Variants in GASK1B observed in about 807,000 individuals in gnomAD.
GASK1B encodes the protein Golgi-associated kinase 1B.
In GASK1B, 34 loss-of-function variants were observed where a neutral mutation model predicts 42.8. The observed-to-expected ratio is 0.79, with a 90% CI of 0.60 to 1.06. The LOEUF (loss-of-function observed/expected upper bound fraction) is 1.06. GASK1B is among the 50% of genes least tolerant of loss of function. The pLI, the probability that GASK1B is intolerant of heterozygous loss-of-function variation, is 0.00. For synonymous variants in GASK1B, 262 were observed against 259.1 expected (o/e 1.01, Z -0.11); for missense variants, 686 against 661.0 (o/e 1.04, Z -0.42).
At chr4:158,131,790 C>T (rs1037145685) in intron 3 of GASK1B, among the ~76,000 whole-genome samples, 7 of 152,160 alleles carry the variant, frequency 4.6e-5, no homozygotes, top group African/African-American at 1.7e-4. Context: ...TCTGCTTTCA[C>T]ACTTCTGAGC....
At chr4:158,140,926 A>C (rs1731090156) in intron 3 of GASK1B, among the ~76,000 whole-genome samples, 1 of 152,222 alleles carries the variant, frequency 6.6e-6, no homozygotes, top group African/African-American at 2.4e-5. Context: ...AAAAATATAT[A>C]CTGCAGTTTT....
chr4:158,160,365 G>A (rs1014433957), intron 2 of GASK1B, among the ~76,000 whole-genome samples: 13 of 152,048 alleles, frequency 8.5e-5, no homozygotes, highest in African/African-American at 3.1e-4. Flanking sequence ...CTGAATCTAG[G>A]GACTTGTCCT....
chr4:158,167,856 T>C (rs1732286933), intron 2 of GASK1B, among the ~76,000 whole-genome samples: 1 of 152,044 alleles, frequency 6.6e-6, no homozygotes, highest in Admixed American at 6.6e-5. Context: ...AGAATAGCAG[T>C]GCCCTAGAAG....
intron 2 of GASK1B, chr4:158,170,250 T>C (rs1331429104): frequency 1.2e-6 from 2 of 1,614,188 alleles, no homozygotes; most frequent in South Asian, 2.2e-5. Flanking sequence ...GGCTTACTCT[T>C]GCATGTCCAA....
intron 2 of GASK1B, 71 bp downstream of exon 2, chr4:158,170,395 G>A: frequency 1.2e-6 from 2 of 1,614,104 alleles, no homozygotes; most frequent in Non-Finnish European, 1.7e-6. Context: ...TAGAAAAAGA[G>A]AGTGAGGGAA....
At chr4:158,138,086 C>A (rs966304827) in intron 3 of GASK1B, among the ~76,000 whole-genome samples, 1 of 152,220 alleles carries the variant, frequency 6.6e-6, no homozygotes, top group South Asian at 2.1e-4. Flanking sequence ...TATTTCTTTA[C>A]GTATAAGTAA....
intron 3 of GASK1B, among the ~76,000 whole-genome samples, chr4:158,140,517 C>T (rs1731073316): frequency 6.6e-6 from 1 of 152,182 alleles, no homozygotes; most frequent in Admixed American, 6.5e-5. Flanking sequence ...TCTGCCTGCC[C>T]TCTCAGATGT....
At chr4:158,146,975 C>T (rs570843830) in intron 3 of GASK1B, among the ~76,000 whole-genome samples, 9 of 152,134 alleles carry the variant, frequency 5.9e-5, no homozygotes, top group African/African-American at 2.2e-4. Flanking sequence ...GATCTGTTAA[C>T]TGGGTGAAAC....
chr4:158,131,924 C>T (rs1432136758), intron 3 of GASK1B, among the ~76,000 whole-genome samples: 1 of 152,154 alleles, frequency 6.6e-6, no homozygotes, highest in Non-Finnish European at 1.5e-5. Context: ...TGTACACCCT[C>T]TGTCCCTGTC....
chr4:158,162,653 C>T lies in GASK1B; in HGVS notation c.911-6828G>A, dbSNP rs78973308. 4.2e-3 allele frequency among the ~76,000 whole-genome samples: 637 copies of T among 152,298 alleles called. 3 individuals carry two copies. Among genetic ancestry groups the T allele is most frequent in the African/African-American group, 0.015 (608 of 41,564 alleles). The stretch of plus-strand genomic sequence containing the variant: ...TGCTCAACTATCCACTCCCATGTAT[C>T]TCTTATATACTGGGACGATGAAAAT... On this transcript the variant is annotated intron_variant, in intron 2 of 4. Coordinates refer to ENST00000585682, the MANE Select transcript of GASK1B (RefSeq NM_001128424.2).
intron 2 of GASK1B, chr4:158,159,378 G>A: frequency 3.3e-6 from 1 of 300,456 alleles, no homozygotes; most frequent in South Asian, 2.7e-5. Context: ...AGATCTCAGA[G>A]CAATGAGTAC....
At position 158,171,253 on chromosome 4, in the gene GASK1B, GC is replaced by G; in HGVS notation, c.122del (p.Gly41AlafsTer12). 6.2e-7 allele frequency: 1 copy of G among 1,614,024 alleles called. No individual in the cohort carries two copies. The highest frequency in any genetic ancestry group is 1.7e-5 in the Admixed American group (1 of 60,026). The stretch of plus-strand genomic sequence containing the variant: ...AGCCCAAGTAGATGGCACACGCAGT[GC>G]CCAGCAGAAGGTTTCTCCGGGTCCT... ...RPRTRRNLLL[G>X]TACAIYLGFL... On this transcript the variant is annotated frameshift_variant, in exon 2 of 5. Coordinates refer to ENST00000585682, the MANE Select transcript of GASK1B (RefSeq NM_001128424.2). LOFTEE classifies it high-confidence loss of function.
chr4:158,160,893 T>C (rs1470162502), intron 2 of GASK1B, among the ~76,000 whole-genome samples: 1 of 152,026 alleles, frequency 6.6e-6, no homozygotes, highest in African/African-American at 2.4e-5. Flanking sequence ...CTCTTATATG[T>C]GGAATCTAAA....
At chr4:158,167,910 G>A (rs1219074952) in intron 2 of GASK1B, among the ~76,000 whole-genome samples, 1 of 152,104 alleles carries the variant, frequency 6.6e-6, no homozygotes, top group Admixed American at 6.6e-5. Context: ...AAGACACAGT[G>A]AGAAAAAGAC....
At chr4:158,157,141 T>C (rs1198946464) in intron 2 of GASK1B, among the ~76,000 whole-genome samples, 3 of 152,146 alleles carry the variant, frequency 2.0e-5, no homozygotes, top group African/African-American at 7.2e-5. Flanking sequence ...TAAATCATTC[T>C]AATCACTTGC....
At chr4:158,138,712 C>G (rs1398685041) in intron 3 of GASK1B, among the ~76,000 whole-genome samples, 1 of 151,628 alleles carries the variant, frequency 6.6e-6, no homozygotes, top group Non-Finnish European at 1.5e-5. Flanking sequence ...TATATTAAAA[C>G]TCAGTTTTGG....
chr4:158,161,803 A>G (rs548326627), intron 2 of GASK1B, among the ~76,000 whole-genome samples: 1 of 152,300 alleles, frequency 6.6e-6, no homozygotes, highest in South Asian at 2.1e-4. Flanking sequence ...TTGTTAATCC[A>G]GTTAAAGGAG....
At chr4:158,148,894 T>A (rs985301802) in intron 3 of GASK1B, among the ~76,000 whole-genome samples, 2 of 152,184 alleles carry the variant, frequency 1.3e-5, no homozygotes, top group East Asian at 3.9e-4. Flanking sequence ...TCTTGCTCAG[T>A]CAGGAACATG....
intron 3 of GASK1B, among the ~76,000 whole-genome samples, chr4:158,133,489 A>G (rs1730762956): frequency 6.6e-6 from 1 of 152,206 alleles, no homozygotes; most frequent in East Asian, 1.9e-4. Flanking sequence ...CTACATTTGT[A>G]CTGTTTCTAT....
Sources: allele counts gnomAD v4.1 joint callset (sites outside exome capture counted in the v4.1 genomes callset), GRCh38; gene constraint gnomAD v4.1.1; transcripts MANE v1.5; gene names NCBI Gene and HGNC (gene_info 2026-07-23, HGNC 2026-07-21).